AHCTF1: variants seen among roughly 807,000 people sequenced by gnomAD.
AHCTF1 encodes the protein protein ELYS.
AHCTF1 carries 24 observed loss-of-function variants against 248.4 expected under a neutral mutation model. The ratio of observed to expected loss-of-function variants is 0.10; its 90% CI spans 0.07 to 0.14. The LOEUF is 0.14. AHCTF1 is among the 10% of genes least tolerant of loss of function. The pLI is 1.00. For synonymous variants in AHCTF1, 786 were observed against 929.8 expected (o/e 0.85, Z 2.81); for missense variants, 2,206 against 2,636.2 (o/e 0.84, Z 3.57).
In AHCTF1 at chr1:246,855,775, ATGTTAATCC is replaced by A; in HGVS notation, c.4300_4308del (p.Gly1434_Thr1436del). The A allele has an allele frequency of 3.1e-6, 5 of 1,613,602 alleles. No individual in the cohort carries two copies. Among genetic ancestry groups the A allele is most frequent in the Non-Finnish European group, 4.2e-6 (5 of 1,179,752 alleles). ...ATTGCAGGGGTGTAGGTTTCAACAG[ATGTTAATCC>A]TTCGTCCAACACTGGTACCTTGGAC... On this transcript the variant is annotated inframe_deletion, in exon 31 of 36. Transcript: ENST00000648844.
intron 24 of AHCTF1, among the ~76,000 whole-genome samples, chr1:246,871,385 T>G (rs1216408134): frequency 6.6e-6 from 1 of 152,208 alleles, no homozygotes; most frequent in Non-Finnish European, 1.5e-5. Context: ...AACCCTGCCA[T>G]GTTTCTTTCC....
In AHCTF1 at chr1:246,902,693, C is replaced by A; in HGVS notation, c.967-18G>T. 6.4e-7 allele frequency: 1 copy of A among 1,558,720 alleles called. No homozygotes were observed. Among genetic ancestry groups the A allele is most frequent in the Non-Finnish European group, 8.7e-7 (1 of 1,150,838 alleles). ...TCTAACCCCTGTAACATAAAATACACGCAAATATTAATCTGATTCTAGGCA... is the reference window on the plus strand; with the variant it reads ...TCTAACCCCTGTAACATAAAATACAAGCAAATATTAATCTGATTCTAGGCA... On this transcript the variant is annotated intron_variant, in intron 7 of 35. Coordinates refer to ENST00000648844, the MANE Select transcript of AHCTF1 (RefSeq NM_001323342.2).
At chr1:246,852,247 G>A (rs1247834758) in intron 32 of AHCTF1, among the ~76,000 whole-genome samples, 1 of 152,116 alleles carries the variant, frequency 6.6e-6, no homozygotes, top group African/African-American at 2.4e-5. Context: ...CCAACTAAAA[G>A]AACTGGAACT....
chr1:246,907,524 C>A (rs752521461), intron 5 of AHCTF1, 27 bp downstream of exon 5: 2 of 1,597,692 alleles, frequency 1.3e-6, no homozygotes, highest in East Asian at 2.2e-5. Context: ...TACCTATAAT[C>A]AAATAAGGGA....
rs763340545 is a variant in AHCTF1 at position 246,877,283 on chromosome 1, T to G, written c.2680A>C (p.Asn894His). The part of the protein sequence containing the change: ...LFNRCMVEAW[N>H]FLRQHCNRLN... ...CTATTGCAATGTTGCCGCAAAAAAT[T>G]CCAGGCTTCAACCATACACCTGAAA... Residue 894 changes from asparagine (N) to histidine (H), a missense_variant, in exon 22 of 36, where the codon AAT (asparagine) becomes CAT (histidine). By Grantham distance (68) the Asn-to-His change is moderately conservative. Around this residue, in one of 6 missense-constraint regions of AHCTF1, gnomAD observed 650 missense variants for 870.8 expected, o/e 0.75. Transcript: ENST00000648844. 3.7e-6 allele frequency: 6 copies of G among 1,602,586 alleles called. No individual in the cohort carries two copies.
At chr1:246,875,541 C>T (rs1662876323) in intron 24 of AHCTF1, among the ~76,000 whole-genome samples, 1 of 152,278 alleles carries the variant, frequency 6.6e-6, no homozygotes, top group African/African-American at 2.4e-5. Flanking sequence ...AATGGTATCA[C>T]ATGCTACAGA....
In AHCTF1 at chr1:246,891,074, T is replaced by TTAA; in HGVS notation, c.1946-17_1946-15dup. ...AGTCTATCAGTCCTGTAAAGAAGAG[T>TTAA]TAACATCAGTTGTTTACTTACAAAA... is the stretch of plus-strand genomic sequence containing the variant. On this transcript the variant is annotated splice_polypyrimidine_tract_variant and intron_variant, in intron 15 of 35. Transcript: ENST00000648844. The TTAA allele has an allele frequency of 6.7e-7, 1 of 1,503,258 alleles. No individual in the cohort carries two copies. The highest frequency in any genetic ancestry group is 8.9e-7 in the Non-Finnish European group (1 of 1,126,078). 93.1% of individuals were successfully genotyped at this position (1,503,258 alleles called of 1,614,324 possible). A position where few individuals can be genotyped will look rare whatever the true frequency, so the allele number is the denominator to read the frequency against.
chr1:246,919,430 G>A (rs929599523), intron 1 of AHCTF1, among the ~76,000 whole-genome samples: 1 of 152,140 alleles, frequency 6.6e-6, no homozygotes, highest in Non-Finnish European at 1.5e-5. Flanking sequence ...AAATCCTCAA[G>A]AGGCCGGGCG....
At position 246,843,828 on chromosome 1, in the gene AHCTF1, GT is replaced by G; in HGVS notation, c.6491del (p.Asn2164ThrfsTer12). 16 of 1,485,580 alleles carry G rather than the reference GT, an allele frequency of 1.1e-5. No individual in the cohort carries two copies. In the South Asian group the frequency reaches 1.1e-4, roughly 10 times the overall value. The allele number at this position is 1,485,580 out of a possible 1,614,324, so 92.0% of individuals were successfully genotyped here. ...SPPALRSRQK[N>X]TSNKNKLEDE... ...CTTCAAGCTTGTTCTTATTGGATGTGTTTTTTTGTCTGCTCCTTAAAGCAGG... is the reference window on the plus strand; with the variant it reads ...CTTCAAGCTTGTTCTTATTGGATGTGTTTTTTGTCTGCTCCTTAAAGCAGG... On this transcript the variant is annotated frameshift_variant, in exon 34 of 36. Transcript: ENST00000648844. LOFTEE classifies it high-confidence loss of function.
At position 246,867,767 on chromosome 1, in the gene AHCTF1, T is replaced by A. The variant is rs1381225279; in HGVS notation, c.3133A>T (p.Thr1045Ser). The change falls in exon 25 of 36, where the codon ACA becomes TCA. Residue 1045 changes from threonine (T) to serine (S), a missense_variant. Physicochemically the swap from Thr to Ser is moderately conservative, Grantham distance 58. Around this residue, in one of 6 missense-constraint regions of AHCTF1, gnomAD observed 955 missense variants for 1,055.6 expected, o/e 0.90. Coordinates refer to ENST00000648844, the MANE Select transcript of AHCTF1 (RefSeq NM_001323342.2). ...PLSAVPKQVVTGTVLTRSVFI... is the reference protein window; with the variant it reads ...PLSAVPKQVVSGTVLTRSVFI... ...ACAGATCTTGTCAACACAGTTCCTG[T>A]TACAACTTGCTTTGGAACTGCTGAT... 6.2e-7 allele frequency: 1 copy of A among 1,612,698 alleles called. No homozygotes were observed. The highest frequency in any genetic ancestry group is 8.5e-7 in the Non-Finnish European group (1 of 1,179,274).
intron 4 of AHCTF1, 88 bp downstream of exon 4, chr1:246,913,144 T>A: frequency 2.7e-6 from 3 of 1,119,974 alleles, no homozygotes; most frequent in Non-Finnish European, 3.7e-6. Flanking sequence ...TTACTCCAGC[T>A]GCTATAAAAA....
chr1:246,858,846 T>C (rs1157722823), intron 29 of AHCTF1, among the ~76,000 whole-genome samples: 1 of 151,616 alleles, frequency 6.6e-6, no homozygotes, highest in Admixed American at 6.6e-5. Flanking sequence ...GACTGCCTAA[T>C]ATTGTAAGAA....
chr1:246,927,657 C>A (rs1667034359), intron 1 of AHCTF1, among the ~76,000 whole-genome samples: 3 of 152,246 alleles, frequency 2.0e-5, no homozygotes, highest in Non-Finnish European at 4.4e-5. Flanking sequence ...AGTTTCAATT[C>A]CTTTCCAAAG....
At chr1:246,844,544 G>A (rs1271578042) in intron 33 of AHCTF1, among the ~76,000 whole-genome samples, 1 of 151,988 alleles carries the variant, frequency 6.6e-6, no homozygotes, top group Admixed American at 6.6e-5. Context: ...AACAAAGTGA[G>A]AGCCCTGTCT....
intron 24 of AHCTF1, among the ~76,000 whole-genome samples, chr1:246,870,734 A>G (rs1161062420): frequency 2.0e-5 from 3 of 151,874 alleles, no homozygotes; most frequent in African/African-American, 7.2e-5. Flanking sequence ...AAAAAAAAAA[A>G]AAAAAAGCCC....
At chr1:246,871,254 T>TAG (rs1049868338) in intron 24 of AHCTF1, among the ~76,000 whole-genome samples, 5 of 152,204 alleles carry the variant, frequency 3.3e-5, no homozygotes, top group Non-Finnish European at 2.9e-5. Flanking sequence ...ATTAATGGTC[T>TAG]AGGTCCTCAG....
At chr1:246,873,991 G>T (rs1466970977) in intron 24 of AHCTF1, among the ~76,000 whole-genome samples, 2 of 152,152 alleles carry the variant, frequency 1.3e-5, no homozygotes, top group African/African-American at 4.8e-5. Flanking sequence ...CAACAGGGAG[G>T]TACCCGCTTG....
intron 12 of AHCTF1, among the ~76,000 whole-genome samples, chr1:246,897,307 C>T (rs1343022601): frequency 6.6e-6 from 1 of 151,976 alleles, no homozygotes; most frequent in Non-Finnish European, 1.5e-5. Context: ...GACCGAGATG[C>T]TGTCTCAAAA....
intron 31 of AHCTF1, among the ~76,000 whole-genome samples, chr1:246,854,079 C>A (rs1001906328): frequency 2.0e-5 from 3 of 152,114 alleles, no homozygotes; most frequent in Non-Finnish European, 4.4e-5. Flanking sequence ...GCAGGTGGAT[C>A]ATGAGGTCAG....
Sources: gnomAD v4.1 joint callset for allele counts (sites outside exome capture counted in the v4.1 genomes callset) on GRCh38, gnomAD v4.1.1 for gene constraint, gnomAD v4.1.1 regional missense constraint, MANE v1.5 for transcripts, NCBI Gene and HGNC (gene_info 2026-07-23, HGNC 2026-07-21) for gene names.